RYR2: variants seen among roughly 807,000 people sequenced by gnomAD.
RYR2 encodes cardiac muscle ryanodine receptor-calcium release channel.
RYR2 carries 227 observed loss-of-function variants against 601.1 expected under a neutral mutation model. That is an observed-to-expected ratio of 0.38 (90% CI 0.34 to 0.42). RYR2 has a LOEUF of 0.42. Among genes scored for constraint, RYR2 ranks in the 10% least tolerant of loss-of-function variants. The pLI, the probability that RYR2 is intolerant of heterozygous loss-of-function variation, is 1.00. For synonymous variants in RYR2, 2,223 were observed against 2,175.1 expected (o/e 1.02, Z -0.61); for missense variants, 4,646 against 6,156.5 (o/e 0.75, Z 8.21).
At position 237,503,349 on chromosome 1, in the gene RYR2, T is replaced by C. The variant is rs776868355; in HGVS notation, c.2457T>C (p.Tyr819=). Residue 819 remains tyrosine (Y), a synonymous_variant, in exon 22 of 105, where the codon TAT becomes TAC. Transcript: ENST00000366574. ...GEFKFLPPPG[Y]APCYEAVLPK... ...TCAAATTTCTTCCTCCACCTGGGTA[T>C]GCTCCTTGTTATGAAGCTGTTCTGC... The C allele has an allele frequency of 4.3e-6, 7 of 1,613,828 alleles. No individual in the cohort carries two copies. Among genetic ancestry groups the C allele is most frequent in the Non-Finnish European group, 5.9e-6 (7 of 1,179,888 alleles).
chr1:237,667,772 T>G, intron 57 of RYR2, 111 bp from the exon 58 acceptor site: 1 of 720,124 alleles, frequency 1.4e-6, no homozygotes, highest in Non-Finnish European at 2.3e-6. Flanking sequence ...AAATGTATCA[T>G]AGCACTAATA....
At chr1:237,728,893 AT>A (rs1260623665) in intron 76 of RYR2, among the ~76,000 whole-genome samples, 1 of 152,132 alleles carries the variant, frequency 6.6e-6, no homozygotes, top group Non-Finnish European at 1.5e-5. Context: ...TGGCACATGT[AT>A]ACCTATGTAA....
At chr1:237,236,848 A>T (rs10925347) in intron 1 of RYR2, among the ~76,000 whole-genome samples, 41,553 of 152,122 alleles carry the variant, frequency 0.27, 6,500 homozygotes, top group Admixed American at 0.38. Context: ...GGTGGGAGGG[A>T]AATTGTTGGA....
intron 1 of RYR2, among the ~76,000 whole-genome samples, chr1:237,254,746 A>G (rs1284386915): frequency 6.6e-6 from 1 of 152,216 alleles, no homozygotes; most frequent in Non-Finnish European, 1.5e-5. Context: ...GAATAAATAC[A>G]TTTAATGTTT....
At chr1:237,395,434 A>G (rs1259743013) in intron 10 of RYR2, among the ~76,000 whole-genome samples, 1 of 150,116 alleles carries the variant, frequency 6.7e-6, no homozygotes, top group Non-Finnish European at 1.5e-5. Flanking sequence ...GACTGTAACT[A>G]TTTTTCAGAC....
intron 1 of RYR2, among the ~76,000 whole-genome samples, chr1:237,091,449 G>T (rs1224779380): frequency 3.3e-5 from 5 of 151,368 alleles, no homozygotes. Context: ...GGGGGGGATA[G>T]GGTCTTGCCC....
At chr1:237,419,283 A>C (rs530011394) in intron 11 of RYR2, among the ~76,000 whole-genome samples, 20 of 151,928 alleles carry the variant, frequency 1.3e-4, no homozygotes, top group African/African-American at 4.6e-4. Context: ...GAGACCCTAC[A>C]TCTGTCTTAT....
intron 1 of RYR2, among the ~76,000 whole-genome samples, chr1:237,156,830 G>T (rs1480332865): frequency 4.6e-5 from 7 of 152,106 alleles, no homozygotes; most frequent in African/African-American, 1.7e-4. Context: ...ATTTCATCCT[G>T]TATTAAATGG....
chr1:237,573,612 A>T (rs780125322), intron 29 of RYR2, among the ~76,000 whole-genome samples: 5 of 150,178 alleles, frequency 3.3e-5, no homozygotes, highest in Non-Finnish European at 5.9e-5. Context: ...GGAGATCAAG[A>T]CCATCCTGGC....
At chr1:237,436,794 C>A (rs1018862489) in intron 12 of RYR2, among the ~76,000 whole-genome samples, 4 of 150,544 alleles carry the variant, frequency 2.7e-5, no homozygotes, top group African/African-American at 9.8e-5. Flanking sequence ...AGAAGAATTC[C>A]TCTGAACCGC....
chr1:237,368,049 G>A (rs1273628241), intron 5 of RYR2, among the ~76,000 whole-genome samples: 1 of 152,110 alleles, frequency 6.6e-6, no homozygotes, highest in African/African-American at 2.4e-5. Flanking sequence ...AGGAGGATGG[G>A]GAGAGTGAGT....
chr1:237,747,505 C>T (rs1041681305), intron 80 of RYR2, among the ~76,000 whole-genome samples: 7 of 152,122 alleles, frequency 4.6e-5, no homozygotes, highest in African/African-American at 1.7e-4. Flanking sequence ...TATGGAAGAA[C>T]CAATTTAGGT....
chr1:237,270,697 T>C, intron 2 of RYR2, 81 bp downstream of exon 2: 1 of 1,438,484 alleles, frequency 7.0e-7, no homozygotes, highest in Non-Finnish European at 9.5e-7. Flanking sequence ...TCTCTACTAT[T>C]TTCTGTGGAA....
chr1:237,573,043 G>A (rs2148306730), intron 29 of RYR2, among the ~76,000 whole-genome samples: 1 of 152,126 alleles, frequency 6.6e-6, no homozygotes, highest in African/African-American at 2.4e-5. Flanking sequence ...TTTATAAGTG[G>A]TCTATTTTAA....
chr1:237,505,285 T>C (rs1007814034), intron 22 of RYR2, among the ~76,000 whole-genome samples: 1 of 152,240 alleles, frequency 6.6e-6, no homozygotes, highest in African/African-American at 2.4e-5. Context: ...TGAGGTTGGC[T>C]ATGAATTCAA....
At chr1:237,229,791 A>G (rs970662725) in intron 1 of RYR2, among the ~76,000 whole-genome samples, 4 of 152,190 alleles carry the variant, frequency 2.6e-5, no homozygotes, top group African/African-American at 9.7e-5. Context: ...ACTGAAGTAT[A>G]TCGTGCCCTT....
chr1:237,446,519 G>T (rs1264408435), intron 14 of RYR2, among the ~76,000 whole-genome samples: 1 of 150,818 alleles, frequency 6.6e-6, no homozygotes, highest in African/African-American at 2.4e-5. Context: ...GAATTTGAAA[G>T]GATTTTTGTA....
chr1:237,114,484 A>C (rs1367799061), intron 1 of RYR2, among the ~76,000 whole-genome samples: 3 of 152,242 alleles, frequency 2.0e-5, no homozygotes, highest in African/African-American at 7.2e-5. Context: ...GGAAGAGTAC[A>C]GTATAAAATA....
chr1:237,654,345 T>G lies in RYR2; in HGVS notation c.7896T>G (p.Ala2632=). The change falls in exon 52 of 105, where the codon GCT becomes GCG. Residue 2632 remains alanine, a synonymous_variant. Coordinates refer to ENST00000366574, the MANE Select transcript of RYR2 (RefSeq NM_001035.3). ...CLPGGWGNFG[A]ASEEELHLSR... is the part of the protein sequence containing the mutation. ...CTGGAGGGTGGGGAAACTTTGGTGC[T>G]GCCTCAGAAGAAGAACTTCATTTAT... The G allele has an allele frequency of 1.9e-6, 3 of 1,613,992 alleles. No homozygotes were observed. The highest frequency in any genetic ancestry group is 2.5e-6 in the Non-Finnish European group (3 of 1,179,862).
Sources: allele counts gnomAD v4.1 joint callset (sites outside exome capture counted in the v4.1 genomes callset), GRCh38; gene constraint gnomAD v4.1.1; transcripts MANE v1.5; gene names NCBI Gene and HGNC (gene_info 2026-07-23, HGNC 2026-07-21).